ADGRG3: variants seen among roughly 807,000 people sequenced by gnomAD.
ADGRG3 encodes G protein-coupled receptor 97.
In ADGRG3, 39 loss-of-function variants were observed where a neutral mutation model predicts 54.3. The ratio of observed to expected loss-of-function variants is 0.72; its 90% CI spans 0.56 to 0.94. The LOEUF (loss-of-function observed/expected upper bound fraction) is 0.94, where lower values mean the gene tolerates loss of function less well. ADGRG3 is among the 40% of genes least tolerant of loss of function. ADGRG3 has a pLI of 0.00. For missense variants in ADGRG3, 654 were observed against 694.6 expected, an observed-to-expected ratio of 0.94 and a Z score of 0.66; for synonymous variants, 312 against 290.0, an observed-to-expected ratio of 1.08 and a Z score of -0.77.
At chr16:57,669,006 G>A (rs1328478705) in intron 1 of ADGRG3, among the ~76,000 whole-genome samples, 7 of 152,200 alleles carry the variant, frequency 4.6e-5, no homozygotes, top group African/African-American at 9.6e-5. Flanking sequence ...GGAAGTGCCC[G>A]GGCCTTGCCT....
Position 57,678,312 on chromosome 16 carries a change from T to G in ADGRG3, c.488T>G (p.Phe163Cys). Residue 163 changes from phenylalanine (F) to cysteine (C), a missense_variant, in exon 4 of 12, where the codon TTC becomes TGC. Physicochemically the swap from Phe to Cys is radical, Grantham distance 205. Transcript: ENST00000333493. ...TILDIGPGTLFKGPRLGLGDG... is the reference protein window; with the variant it reads ...TILDIGPGTLCKGPRLGLGDG... ...CTGGACATTGGTCCAGGGACTCTCT[T>G]CAAGGTGAGGACTCAGGGAAGCTCC... is the stretch of plus-strand genomic sequence containing the variant. 1 of 1,614,152 alleles carries G rather than the reference T, an allele frequency of 6.2e-7. No individual in the cohort carries two copies. Among genetic ancestry groups the G allele is most frequent in the Non-Finnish European group, 8.5e-7 (1 of 1,180,002 alleles).
chr16:57,686,043 A>G, intron 11 of ADGRG3, 117 bp downstream of exon 11: 3 of 1,056,820 alleles, frequency 2.8e-6, no homozygotes, highest in Non-Finnish European at 4.2e-6. Flanking sequence ...AGCTGAAGTC[A>G]AGGATGTTGA....
chr16:57,678,448 A>G (rs1360877193), intron 4 of ADGRG3, 132 bp downstream of exon 4: 2 of 847,254 alleles, frequency 2.4e-6, no homozygotes, highest in Non-Finnish European at 3.8e-6. Flanking sequence ...TAGTGTTTCT[A>G]ATGCAGCCCG....
chr16:57,682,422 C>T, intron 8 of ADGRG3: 1 of 933,810 alleles, frequency 1.1e-6, no homozygotes, highest in Non-Finnish European at 1.3e-6. Context: ...CAACTAGGCC[C>T]ACCCAATCCA....
At position 57,688,682 on chromosome 16, in the gene ADGRG3, C is replaced by T; in HGVS notation, c.*221C>T. 1 of 532,804 alleles carries T rather than the reference C, an allele frequency of 1.9e-6. No individual in the cohort carries two copies. The highest frequency in any genetic ancestry group is 3.4e-6 in the Non-Finnish European group (1 of 295,740). 33.0% of individuals were successfully genotyped at this position (532,804 alleles called of 1,614,324 possible). On this transcript the variant is annotated 3_prime_UTR_variant, in exon 12 of 12. Coordinates refer to ENST00000333493, the MANE Select transcript of ADGRG3 (RefSeq NM_170776.5). ...GCAGGTTTGCAAGGCTCTAAAGTTC[C>T]TATAGTCCTGAGACCCCCTGCCAGC...
chr16:57,685,943 A>C lies in ADGRG3; in HGVS notation c.1540+17A>C, dbSNP rs763449394. On this transcript the variant is annotated intron_variant, in intron 11 of 11. Coordinates refer to ENST00000333493, the MANE Select transcript of ADGRG3 (RefSeq NM_170776.5). ...CCTTGCAAGGTGAGGCCCCTGCACC[A>C]GGGAGGTGATGGGCTGTGTTGTCTG... is the stretch of plus-strand genomic sequence containing the variant. 3.1e-6 allele frequency: 5 copies of C among 1,611,072 alleles called. No homozygotes were observed. The East Asian group carries it at 1.1e-4, about 36-fold the overall frequency.
rs534624042 is a variant in ADGRG3 at position 57,675,160 on chromosome 16, T to C, written c.207-1040T>C. The stretch of plus-strand genomic sequence containing the variant: ...AATATGATCTCTCCATATGATGAAA[T>C]AGTATTCATCCATAAAAAGAAATAA... On this transcript the variant is annotated intron_variant, in intron 2 of 11. Coordinates refer to ENST00000333493, the MANE Select transcript of ADGRG3 (RefSeq NM_170776.5). Among the ~76,000 whole-genome samples the C allele has an allele frequency of 4.0e-5, 6 of 151,226 alleles. No homozygotes were observed. In the South Asian group the frequency reaches 1.3e-3, roughly 32 times the overall value.
chr16:57,684,303 G>A (rs1199485711), intron 9 of ADGRG3, 87 bp from the exon 10 acceptor site: 2 of 1,570,296 alleles, frequency 1.3e-6, no homozygotes, highest in Admixed American at 1.7e-5. Context: ...GGTTCCCAGA[G>A]CTGGAGGGAT....
chr16:57,684,255 G>A (rs1233697329), intron 9 of ADGRG3, 43 bp downstream of exon 9: 1 of 1,591,144 alleles, frequency 6.3e-7, no homozygotes, highest in Non-Finnish European at 8.6e-7. Flanking sequence ...CCGGCCCTGA[G>A]GGTGCAGAGG....
In ADGRG3 at chr16:57,678,323, A is replaced by C. The variant is rs533304312; in HGVS notation, c.492+7A>C. ...TCCAGGGACTCTCTTCAAGGTGAGG[A>C]CTCAGGGAAGCTCCAAGGTTAAGTG... On this transcript the variant is annotated splice_region_variant and intron_variant, in intron 4 of 11. Coordinates refer to ENST00000333493, the MANE Select transcript of ADGRG3 (RefSeq NM_170776.5). 13 of 1,613,898 alleles carry C rather than the reference A, an allele frequency of 8.1e-6. 1 individual carries two copies. The Middle Eastern group carries it at 6.6e-4, about 82-fold the overall frequency.
At chr16:57,682,556 C>T (rs540154262) in intron 8 of ADGRG3, 1 of 985,294 alleles carries the variant, frequency 1.0e-6, no homozygotes, top group Non-Finnish European at 1.2e-6. Context: ...ATTGCTGGAC[C>T]CTGTGAGCGG....
At chr16:57,683,904 C>T in intron 8 of ADGRG3, 28 bp from the exon 9 acceptor site, 1 of 1,521,352 alleles carries the variant, frequency 6.6e-7, no homozygotes, top group Non-Finnish European at 8.8e-7. Flanking sequence ...AGCTGTGGCC[C>T]CTTGGGGCCT....
rs2048525091 is a variant in ADGRG3 at position 57,689,159 on chromosome 16, G to A, written c.*698G>A. 6.5e-6 allele frequency: 1 copy of A among 153,714 alleles called. No individual in the cohort carries two copies. Among genetic ancestry groups the A allele is most frequent in the Admixed American group, 6.4e-5 (1 of 15,516 alleles). The allele number at this position is 153,714 out of a possible 1,614,324, so 9.5% of individuals were successfully genotyped here. On this transcript the variant is annotated 3_prime_UTR_variant, in exon 12 of 12. Transcript: ENST00000333493. ...TGGGTGGCCCGACCTCTGACCTGCT[G>A]TCATCGTAGAGGTAGAAAGCAAACA... is the stretch of plus-strand genomic sequence containing the variant.
chr16:57,671,502 G>A (rs1006236236), intron 1 of ADGRG3, among the ~76,000 whole-genome samples: 5 of 151,870 alleles, frequency 3.3e-5, no homozygotes, highest in African/African-American at 9.7e-5. Context: ...CACCACGTCC[G>A]GCTAATTTTT....
chr16:57,679,543 C>T (rs555810049), intron 5 of ADGRG3, among the ~76,000 whole-genome samples: 29 of 152,260 alleles, frequency 1.9e-4, no homozygotes, highest in African/African-American at 6.7e-4. Context: ...CCACATCCTC[C>T]ACACCCATGC....
chr16:57,666,432 G>A (rs2048060235), upstream of ADGRG3, among the ~76,000 whole-genome samples: 1 of 152,256 alleles, frequency 6.6e-6, no homozygotes, highest in Non-Finnish European at 1.5e-5. Flanking sequence ...AGGCTGTGGG[G>A]CTTTGGACAG....
chr16:57,673,617 C>T (rs1261443212), intron 2 of ADGRG3, 149 bp downstream of exon 2: 1 of 684,080 alleles, frequency 1.5e-6, no homozygotes, highest in Admixed American at 2.9e-5. Flanking sequence ...GTCCCCCTGA[C>T]CCAACATCCC....
At position 57,685,793 on chromosome 16, in the gene ADGRG3, G is replaced by A; in HGVS notation, c.1407G>A (p.Arg469=). 6.2e-7 allele frequency: 1 copy of A among 1,614,216 alleles called. No individual in the cohort carries two copies. Among genetic ancestry groups the A allele is most frequent in the Admixed American group, 1.7e-5 (1 of 60,026 alleles). ...CCCGTGCTACAGCGGTCAAGGAGCG[G>A]GGGAAGAACCGGAAGAAGGTGCTCA... ...TLSRATAVKE[R]GKNRKKVLTL... The change falls in exon 11 of 12, where the codon CGG becomes CGA. Residue 469 remains arginine, a synonymous_variant. Transcript: ENST00000333493.
chr16:57,676,440 T>G, intron 3 of ADGRG3, 102 bp downstream of exon 3: 1 of 1,102,170 alleles, frequency 9.1e-7, no homozygotes. Context: ...TAACTAGGGC[T>G]TGTCCCTCCC....
Sources: allele counts gnomAD v4.1 joint callset (sites outside exome capture counted in the v4.1 genomes callset), GRCh38; gene constraint gnomAD v4.1.1; transcripts MANE v1.5; gene names NCBI Gene and HGNC (gene_info 2026-07-23, HGNC 2026-07-21).